The following CDH7 variants were observed in gnomAD, a reference collection of about 807,000 sequenced individuals.
The protein encoded by CDH7 is cadherin-7.
CDH7 carries 25 observed loss-of-function variants against 71.8 expected under a neutral mutation model. The ratio of observed to expected loss-of-function variants is 0.35; its 90% CI spans 0.25 to 0.49. CDH7 has a LOEUF of 0.49. Among genes scored for constraint, CDH7 ranks in the 20% least tolerant of loss-of-function variants. CDH7 has a pLI of 0.99. For missense variants in CDH7, 862 were observed against 974.6 expected (o/e 0.88, Z 1.54); for synonymous variants, 381 against 363.8 (o/e 1.05, Z -0.54).
At chr18:65,765,551 G>T (rs1024699417) in intron 2 of CDH7, among the ~76,000 whole-genome samples, 2 of 151,308 alleles carry the variant, frequency 1.3e-5, no homozygotes, top group Admixed American at 6.6e-5. Flanking sequence ...AAGAAGATGT[G>T]AAGAAATGGC....
rs771835269 is a variant in CDH7 at position 65,880,852 on chromosome 18, C to T, written c.2316C>T (p.Leu772=). The change falls in exon 12 of 12, where the codon CTC becomes CTT. Residue 772 remains leucine, a synonymous_variant. Transcript: ENST00000397968. ...ACTGGGGACCTCGCTTTAAACGACT[C>T]GCGGACATGTATGGGACTGGCCAAG... ...LSDWGPRFKR[L]ADMYGTGQES... 1.9e-6 allele frequency: 3 copies of T among 1,613,950 alleles called. No homozygotes were observed. Among genetic ancestry groups the T allele is most frequent in the Non-Finnish European group, 1.7e-6 (2 of 1,179,976 alleles).
intron 11 of CDH7, among the ~76,000 whole-genome samples, chr18:65,868,565 G>A (rs1175468087): frequency 6.6e-6 from 1 of 152,180 alleles, no homozygotes; most frequent in African/African-American, 2.4e-5. Flanking sequence ...CAAATTAGGT[G>A]CAGGAGTATC....
At chr18:65,834,139 T>C (rs1912450874) in intron 6 of CDH7, among the ~76,000 whole-genome samples, 1 of 152,180 alleles carries the variant, frequency 6.6e-6, no homozygotes, top group Admixed American at 6.5e-5. Flanking sequence ...AATTTAATAA[T>C]TGTATAAGGA....
chr18:65,876,743 T>C (rs1245353406), intron 11 of CDH7, among the ~76,000 whole-genome samples: 1 of 152,250 alleles, frequency 6.6e-6, no homozygotes. Flanking sequence ...TCAATATCTG[T>C]TGGTCCCACG....
At chr18:65,822,325 T>A in intron 5 of CDH7, 77 bp downstream of exon 5, 1 of 1,148,982 alleles carries the variant, frequency 8.7e-7, no homozygotes, top group Non-Finnish European at 1.3e-6. Context: ...AAAATGACTT[T>A]TTTTCAAATA....
chr18:65,823,164 T>C (rs1911998927), intron 5 of CDH7, among the ~76,000 whole-genome samples: 1 of 151,884 alleles, frequency 6.6e-6, no homozygotes, highest in African/African-American at 2.4e-5. Context: ...TGACTGCTGC[T>C]TTAAAATTTT....
rs1245752022 is a variant in CDH7, at chr18:65,834,567, CTT to C, written c.982-9244_982-9243del. Among the ~76,000 whole-genome samples the C allele has an allele frequency of 2.0e-5, 3 of 152,042 alleles. 1 individual carries two copies. Among genetic ancestry groups the C allele is most frequent in the Admixed American group, 2.0e-4 (3 of 15,256 alleles). Reference sequence around the variant, plus strand: ...ATATTTTAAGACGGGTTAAAAATAACTTATCAAAAAGACTAACAAACAAAGTT... The same window carrying C: ...ATATTTTAAGACGGGTTAAAAATAACATCAAAAAGACTAACAAACAAAGTT... On this transcript the variant is annotated intron_variant, in intron 6 of 11. Coordinates refer to ENST00000397968, the MANE Select transcript of CDH7 (RefSeq NM_004361.5).
intron 3 of CDH7, among the ~76,000 whole-genome samples, chr18:65,813,517 T>C (rs1167857053): frequency 1.3e-5 from 2 of 152,092 alleles, no homozygotes; most frequent in South Asian, 2.1e-4. Context: ...GAAAGAGATA[T>C]TTACATAGAA....
intron 2 of CDH7, among the ~76,000 whole-genome samples, chr18:65,794,594 A>G (rs949212516): frequency 9.3e-5 from 13 of 139,528 alleles, no homozygotes; most frequent in African/African-American, 3.6e-4. Flanking sequence ...AGGGGTTAGA[A>G]AAAAAAAAAA....
chr18:65,859,878 C>A, intron 10 of CDH7, 53 bp downstream of exon 10: 1 of 1,072,988 alleles, frequency 9.3e-7, no homozygotes, highest in Non-Finnish European at 1.4e-6. Flanking sequence ...ATACTCTAAG[C>A]AAGTATTTTT....
intron 1 of CDH7, among the ~76,000 whole-genome samples, chr18:65,751,503 C>T (rs1312036470): frequency 6.6e-6 from 1 of 152,160 alleles, no homozygotes; most frequent in Non-Finnish European, 1.5e-5. Flanking sequence ...GGACCACAAG[C>T]AGGCTCCTCC....
At chr18:65,773,139 A>G (rs2143811079) in intron 2 of CDH7, among the ~76,000 whole-genome samples, 1 of 152,262 alleles carries the variant, frequency 6.6e-6, no homozygotes, top group East Asian at 1.9e-4. Context: ...GAAGAAGTTT[A>G]AGCTACCTCA....
chr18:65,822,946 T>G (rs567883072), intron 5 of CDH7, among the ~76,000 whole-genome samples: 1 of 151,890 alleles, frequency 6.6e-6, no homozygotes, highest in South Asian at 2.1e-4. Flanking sequence ...TTTAGTTCCC[T>G]TTTTTTCCCT....
rs1262089145 is a variant in CDH7, at chr18:65,843,041, A to G, written c.982-771A>G. On this transcript the variant is annotated intron_variant, in intron 6 of 11. Transcript: ENST00000397968. ...TCTACATGTTGTGTATATGATTTTTATTTTTCAAAGATGGTGCTCTGCTAC... is the reference window on the plus strand; with the variant it reads ...TCTACATGTTGTGTATATGATTTTTGTTTTTCAAAGATGGTGCTCTGCTAC... Among the ~76,000 whole-genome samples the G allele has an allele frequency of 2.6e-5, 4 of 152,172 alleles. No homozygotes were observed. In the South Asian group the frequency reaches 6.2e-4, roughly 24 times the overall value.
intron 11 of CDH7, among the ~76,000 whole-genome samples, chr18:65,873,567 CTT>C (rs1423608395): frequency 6.6e-6 from 1 of 152,146 alleles, no homozygotes; most frequent in Non-Finnish European, 1.5e-5. Context: ...AAAAGAGAAA[CTT>C]AAGTCTTGAA....
chr18:65,810,005 A>C lies in CDH7; in HGVS notation c.505+7A>C. ...CCCGAAATGTCTCCCGTGGGTAAGT[A>C]AAGAACACTCTGCTTTTGTAGCTTG... On this transcript the variant is annotated splice_region_variant and intron_variant, in intron 3 of 11. Transcript: ENST00000397968. 1 of 1,602,384 alleles carries C rather than the reference A, an allele frequency of 6.2e-7. No homozygotes were observed. Among genetic ancestry groups the C allele is most frequent in the South Asian group, 1.1e-5 (1 of 90,878 alleles).
rs1913663001 is a variant in CDH7, at chr18:65,863,743, A to G, written c.1864+826A>G. 1.3e-5 allele frequency: 2 copies of G among 152,226 alleles called. 1 individual carries two copies. The highest frequency in any genetic ancestry group is 4.8e-5 in the African/African-American group (2 of 41,466). 9.4% of individuals were successfully genotyped at this position (152,226 alleles called of 1,614,324 possible). On this transcript the variant is annotated intron_variant, in intron 11 of 11. Coordinates refer to ENST00000397968, the MANE Select transcript of CDH7 (RefSeq NM_004361.5). ...ATTAAATACTAACACATTTAATTGT[A>G]CATTTCCATGATTAGTTTATTACTC...
At chr18:65,814,947 A>C (rs116491949) in intron 4 of CDH7, among the ~76,000 whole-genome samples, 2,438 of 152,254 alleles carry the variant, frequency 0.016, 53 homozygotes, top group African/African-American at 0.055. Context: ...ACATGGTAAT[A>C]TTTATATCTC....
intron 1 of CDH7, among the ~76,000 whole-genome samples, chr18:65,760,904 G>T (rs1449062035): frequency 6.6e-6 from 1 of 152,154 alleles, no homozygotes; most frequent in Non-Finnish European, 1.5e-5. Context: ...CTTTCAGGTG[G>T]GTTAGTCAGA....
Sources: allele counts gnomAD v4.1 joint callset (sites outside exome capture counted in the v4.1 genomes callset), GRCh38; gene constraint gnomAD v4.1.1; transcripts MANE v1.5; gene names NCBI Gene and HGNC (gene_info 2026-07-23, HGNC 2026-07-21).